PCDHGA5: variants seen among roughly 807,000 people sequenced by gnomAD.
The protein encoded by PCDHGA5 is protocadherin gamma subfamily A, 5, also known as protocadherin gamma-A5.
Under a neutral mutation model 56.7 loss-of-function variants are expected in PCDHGA5, and 36 were observed. The ratio of observed to expected loss-of-function variants is 0.64; its 90% CI spans 0.49 to 0.84. PCDHGA5 has a LOEUF of 0.84. Among genes scored for constraint, PCDHGA5 ranks in the 40% least tolerant of loss-of-function variants. The probability of loss-of-function intolerance (pLI) is 0.00; values close to 1 mark genes in which losing one functional copy is unlikely to be tolerated. For synonymous variants in PCDHGA5, 563 were observed against 520.2 expected, an observed-to-expected ratio of 1.08 and a Z score of -1.12; for missense variants, 1,305 against 1,201.5, an observed-to-expected ratio of 1.09 and a Z score of -1.27.
At chr5:141,467,114 G>A (rs971182917) in intron 1 of PCDHGA5, among the ~76,000 whole-genome samples, 5 of 149,522 alleles carry the variant, frequency 3.3e-5, no homozygotes, top group South Asian at 2.1e-4. Context: ...GTACAATGGT[G>A]CAATCTCAGC....
At chr5:141,500,499 G>A (rs531501031) in intron 2 of PCDHGA5, among the ~76,000 whole-genome samples, 11 of 151,970 alleles carry the variant, frequency 7.2e-5, no homozygotes, top group African/African-American at 2.7e-4. Context: ...GTGAGCCACC[G>A]CGCCTGGCCG....
At chr5:141,480,584 G>A (rs1421730652) in intron 1 of PCDHGA5, among the ~76,000 whole-genome samples, 1 of 134,606 alleles carries the variant, frequency 7.4e-6, no homozygotes, top group Non-Finnish European at 1.6e-5. Context: ...AATAACTGCC[G>A]CTCTTCTGGT....
Position 141,489,065 on chromosome 5 carries a change from C to T in PCDHGA5, c.2422-5742C>T, listed in dbSNP as rs558074504. On this transcript the variant is annotated intron_variant, in intron 1 of 3. Coordinates refer to ENST00000518069, the MANE Select transcript of PCDHGA5 (RefSeq NM_018918.3). This position sits in a 1 kb window ranked among gnomAD's most constrained non-coding sequence, Gnocchi z 4.5. ...CCACTCAAATTCAGCTCCCCTCCCC[C>T]CTGCCCACCCCCGCCACTCGGTGAC... 3.3e-5 allele frequency: 13 copies of T among 388,932 alleles called. 1 individual carries two copies. Among genetic ancestry groups the T allele is most frequent in the African/African-American group, 8.5e-5 (4 of 47,158 alleles). 24.1% of individuals were successfully genotyped at this position (388,932 alleles called of 1,614,324 possible).
rs2099399818 is a variant in PCDHGA5, at chr5:141,476,845, C to G, written c.2422-17962C>G. 6.2e-7 allele frequency: 1 copy of G among 1,613,794 alleles called. No individual in the cohort carries two copies. Among genetic ancestry groups the G allele is most frequent in the African/African-American group, 1.3e-5 (1 of 75,078 alleles). ...TGGACGCGAATGACAATGCGCCTGTCTTCAACCAGTCCTTGTACCGGGCGC... is the reference window on the plus strand; with the variant it reads ...TGGACGCGAATGACAATGCGCCTGTGTTCAACCAGTCCTTGTACCGGGCGC... On this transcript the variant is annotated intron_variant, in intron 1 of 3. Transcript: ENST00000518069. This position sits in a 1 kb window ranked among gnomAD's most constrained non-coding sequence, Gnocchi z 7.6.
chr5:141,492,487 C>T (rs1031047955), intron 1 of PCDHGA5, among the ~76,000 whole-genome samples: 1 of 152,222 alleles, frequency 6.6e-6, no homozygotes, highest in Non-Finnish European at 1.5e-5. Context: ...CGCCCAGGAC[C>T]AGGCGAGGAC....
intron 1 of PCDHGA5, among the ~76,000 whole-genome samples, chr5:141,447,413 C>T (rs1279399546): frequency 6.6e-6 from 1 of 152,204 alleles, no homozygotes; most frequent in Non-Finnish European, 1.5e-5. Flanking sequence ...GCTGGGATTA[C>T]AGGCGTGAGC....
chr5:141,496,132 C>T (rs865808904), intron 2 of PCDHGA5, among the ~76,000 whole-genome samples: 1 of 152,058 alleles, frequency 6.6e-6, no homozygotes, highest in African/African-American at 2.4e-5. Flanking sequence ...CCCTCACACA[C>T]TGAGCCTTTG....
chr5:141,384,286 G>C lies in PCDHGA5; in HGVS notation c.2421+17535G>C, dbSNP rs760333073. ...CTCATCCTACTCAGTCTACATCGCT[G>C]AGAACAACCCCAGAGGGGCCTCCAT... On this transcript the variant is annotated intron_variant, in intron 1 of 3. Coordinates refer to ENST00000518069, the MANE Select transcript of PCDHGA5 (RefSeq NM_018918.3). 3 of 1,613,716 alleles carry C rather than the reference G, an allele frequency of 1.9e-6. No homozygotes were observed. In the East Asian group the frequency reaches 6.7e-5, roughly 36 times the overall value.
intron 1 of PCDHGA5, chr5:141,421,678 G>C (rs903229017): frequency 3.7e-6 from 6 of 1,613,776 alleles, no homozygotes; most frequent in Non-Finnish European, 5.1e-6. Context: ...AATTCCTGGG[G>C]CGCGATTTGC....
chr5:141,365,843 G>C lies in PCDHGA5; in HGVS notation c.1513G>C (p.Val505Leu). 1 of 1,613,912 alleles carries C rather than the reference G, an allele frequency of 6.2e-7. No individual in the cohort carries two copies. The highest frequency in any genetic ancestry group is 8.5e-7 in the Non-Finnish European group (1 of 1,179,886). ...TFQGAPLSSY[V>L]SINSDTGVLY... ...TCAGGGGGCGCCCTTGTCCTCCTAT[G>C]TATCCATTAACTCTGACACCGGTGT... is the stretch of plus-strand genomic sequence containing the variant. The change falls in exon 1 of 4, where the codon GTA (valine) becomes CTA (leucine). Residue 505 changes from valine to leucine, a missense_variant. Coordinates refer to ENST00000518069, the MANE Select transcript of PCDHGA5 (RefSeq NM_018918.3).
rs113648128 is a variant in PCDHGA5, at chr5:141,491,811, C to T, written c.2422-2996C>T. ...CACTCCTCTCCGGCCGGCTTGGTCG[C>T]TGGCTGCGCTCCACCCGATTCTCGG... On this transcript the variant is annotated intron_variant, in intron 1 of 3. Transcript: ENST00000518069. The surrounding 1 kb of genome is among the most constrained non-coding windows in gnomAD (Gnocchi z 6.9). 6.7e-7 allele frequency: 1 copy of T among 1,487,262 alleles called. No homozygotes were observed. The highest frequency in any genetic ancestry group is 1.4e-5 in the African/African-American group (1 of 70,544). 92.1% of individuals were successfully genotyped at this position (1,487,262 alleles called of 1,614,324 possible).
rs113341686 is a variant in PCDHGA5, at chr5:141,488,763, G to A, written c.2422-6044G>A. Among the ~76,000 whole-genome samples the A allele has an allele frequency of 6.6e-4, 101 of 152,264 alleles. 1 individual carries two copies. The highest frequency in any genetic ancestry group is 1.7e-3 in the African/African-American group (69 of 41,544). ...ATGCAGGAAGTTGCTGGGACAGAACGCTGAGGAGTTTTGTATCACTTTGTC... is the reference window on the plus strand; with the variant it reads ...ATGCAGGAAGTTGCTGGGACAGAACACTGAGGAGTTTTGTATCACTTTGTC... On this transcript the variant is annotated intron_variant, in intron 1 of 3. Coordinates refer to ENST00000518069, the MANE Select transcript of PCDHGA5 (RefSeq NM_018918.3).
intron 1 of PCDHGA5, among the ~76,000 whole-genome samples, chr5:141,450,062 A>G (rs546772416): frequency 1.1e-4 from 15 of 142,322 alleles, no homozygotes; most frequent in African/African-American, 4.0e-4. Flanking sequence ...GCTGGAATGC[A>G]GTGGTATGAT....
rs763315667 is a variant in PCDHGA5 at position 141,371,544 on chromosome 5, T to C, written c.2421+4793T>C. Reference sequence around the variant, plus strand: ...TTCTGGATTTAATGGAGAAATCCTATGCCAACTAAAAGGAAACTTCCCCTT... The same window carrying C: ...TTCTGGATTTAATGGAGAAATCCTACGCCAACTAAAAGGAAACTTCCCCTT... On this transcript the variant is annotated intron_variant, in intron 1 of 3. Transcript: ENST00000518069. 3.1e-6 allele frequency: 5 copies of C among 1,613,692 alleles called. No homozygotes were observed. The Admixed American group carries it at 5.0e-5, about 16-fold the overall frequency.
chr5:141,491,450 C>G lies in PCDHGA5; in HGVS notation c.2422-3357C>G. ...CAGTGCTGCAGGCGCCAGGACTCAC[C>G]CTCCCCGGACTTCTATAAGCAGTCC... On this transcript the variant is annotated intron_variant, in intron 1 of 3. Transcript: ENST00000518069. The surrounding 1 kb of genome is among the most constrained non-coding windows in gnomAD (Gnocchi z 6.9). The G allele has an allele frequency of 1.2e-6, 2 of 1,614,110 alleles. No homozygotes were observed. Among genetic ancestry groups the G allele is most frequent in the Non-Finnish European group, 1.7e-6 (2 of 1,180,044 alleles).
intron 1 of PCDHGA5, among the ~76,000 whole-genome samples, chr5:141,397,268 T>C (rs532503951): frequency 2.0e-5 from 3 of 152,180 alleles, no homozygotes; most frequent in African/African-American, 7.2e-5. Flanking sequence ...CTTAGCTACA[T>C]CATATGGGCA....
At chr5:141,399,821 C>T in intron 1 of PCDHGA5, 1 of 1,613,210 alleles carries the variant, frequency 6.2e-7, no homozygotes, top group Non-Finnish European at 8.5e-7. Flanking sequence ...GCGCTGGGTC[C>T]CGACGGCTCT....
intron 1 of PCDHGA5, chr5:141,418,232 G>A (rs1034684988): frequency 6.2e-7 from 1 of 1,614,066 alleles, no homozygotes; most frequent in Non-Finnish European, 8.5e-7. Flanking sequence ...GGTGATTGAG[G>A]ATGTTAATGA....
intron 1 of PCDHGA5, among the ~76,000 whole-genome samples, chr5:141,402,640 T>G (rs1180615388): frequency 1.3e-5 from 2 of 152,232 alleles, no homozygotes; most frequent in East Asian, 3.8e-4. Flanking sequence ...TCTAAAATCA[T>G]AATTAGAAGA....
Sources: gnomAD v4.1 joint callset for allele counts (sites outside exome capture counted in the v4.1 genomes callset) on GRCh38, gnomAD v4.1.1 for gene constraint, Gnocchi (gnomAD v3.1) non-coding constraint, MANE v1.5 for transcripts, NCBI Gene and HGNC (gene_info 2026-07-23, HGNC 2026-07-21) for gene names.